Variants in GPR158 observed in about 807,000 individuals in gnomAD.
GPR158 encodes the protein G protein-coupled receptor 158, also known as metabotropic glycine receptor.
GPR158 carries 30 observed loss-of-function variants against 78.2 expected under a neutral mutation model. The observed-to-expected ratio is 0.38, with a 90% CI of 0.29 to 0.52. GPR158 has a LOEUF of 0.52. GPR158 is among the 20% of genes least tolerant of loss of function. The pLI, the probability that GPR158 is intolerant of heterozygous loss-of-function variation, is 0.83. For synonymous variants in GPR158, 581 were observed against 591.1 expected (o/e 0.98, Z 0.25); for missense variants, 1,463 against 1,523.5 (o/e 0.96, Z 0.66).
At chr10:25,235,863 A>T (rs1053716595) in intron 2 of GPR158, among the ~76,000 whole-genome samples, 16 of 151,510 alleles carry the variant, frequency 1.1e-4, no homozygotes, top group Non-Finnish European at 2.1e-4. Flanking sequence ...TGCCCGGCTA[A>T]TTTTTTGTAT....
chr10:25,399,102 A>T (rs1220344793), intron 3 of GPR158, among the ~76,000 whole-genome samples: 2 of 152,178 alleles, frequency 1.3e-5, no homozygotes, highest in African/African-American at 4.8e-5. Context: ...GGAAACTTAC[A>T]ACTGTGGTGG....
chr10:25,319,830 CA>C (rs140178276), intron 2 of GPR158, among the ~76,000 whole-genome samples: 18,815 of 146,054 alleles, frequency 0.13, 2,135 homozygotes, highest in African/African-American at 0.31. Context: ...CCACCCCCCC[CA>C]AAAAAAAACC....
chr10:25,199,435 T>G (rs1175511747), intron 1 of GPR158, among the ~76,000 whole-genome samples: 1 of 152,172 alleles, frequency 6.6e-6, no homozygotes. Flanking sequence ...CCTGCATTAG[T>G]TAATGGCCTC....
chr10:25,491,638 T>A (rs936480233), intron 5 of GPR158, among the ~76,000 whole-genome samples: 4 of 152,190 alleles, frequency 2.6e-5, no homozygotes, highest in Non-Finnish European at 5.9e-5. Flanking sequence ...TCTTGATGGG[T>A]TTTGTATTAT....
intron 6 of GPR158, among the ~76,000 whole-genome samples, chr10:25,567,166 C>A (rs1237585341): frequency 6.6e-6 from 1 of 152,058 alleles, no homozygotes; most frequent in African/African-American, 2.4e-5. Flanking sequence ...AGAGATACTG[C>A]AAAATCACAT....
intron 5 of GPR158, among the ~76,000 whole-genome samples, chr10:25,485,396 A>T (rs1264605161): frequency 2.0e-5 from 3 of 152,132 alleles, no homozygotes; most frequent in Admixed American, 1.3e-4. Flanking sequence ...AAATAGAATC[A>T]TATAAATAAA....
chr10:25,316,612 T>C (rs1400063780), intron 2 of GPR158, among the ~76,000 whole-genome samples: 1 of 152,204 alleles, frequency 6.6e-6, no homozygotes, highest in Middle Eastern at 3.2e-3. Flanking sequence ...TCACAACTAT[T>C]GACAATTTAA....
chr10:25,540,614 A>C (rs946104606), intron 5 of GPR158, among the ~76,000 whole-genome samples: 1 of 151,642 alleles, frequency 6.6e-6, no homozygotes, highest in Non-Finnish European at 1.5e-5. Context: ...ATGCAGCCAT[A>C]AAAAAGGATG....
At chr10:25,228,210 G>C (rs2130691570) in intron 2 of GPR158, among the ~76,000 whole-genome samples, 1 of 152,232 alleles carries the variant, frequency 6.6e-6, no homozygotes, top group South Asian at 2.1e-4. Flanking sequence ...AGAAGTTCGA[G>C]GCTGCAGTGA....
intron 6 of GPR158, among the ~76,000 whole-genome samples, chr10:25,551,529 T>A (rs945417746): frequency 6.6e-6 from 1 of 152,194 alleles, no homozygotes; most frequent in Admixed American, 6.6e-5. Flanking sequence ...ATTCGATGGG[T>A]AAAGTTCAGA....
In GPR158 at chr10:25,365,825, C is replaced by T. The variant is rs541903618; in HGVS notation, c.1009-30086C>T. Among the ~76,000 whole-genome samples, 97 of 151,658 alleles carry T rather than the reference C, an allele frequency of 6.4e-4. 1 individual carries two copies. The highest frequency in any genetic ancestry group is 3.3e-3 in the Admixed American group (50 of 15,174). On this transcript the variant is annotated intron_variant, in intron 2 of 10. Transcript: ENST00000376351. ...GAATTGTCACAAAGAGAACGTACTTCGAGAGAAAACATTCCAAAACTCCAG... is the reference window on the plus strand; with the variant it reads ...GAATTGTCACAAAGAGAACGTACTTTGAGAGAAAACATTCCAAAACTCCAG...
At chr10:25,437,467 C>T (rs530089147) in intron 4 of GPR158, among the ~76,000 whole-genome samples, 1 of 152,310 alleles carries the variant, frequency 6.6e-6, no homozygotes, top group Admixed American at 6.5e-5. Context: ...CTCAAGCATT[C>T]TACCCTCCTA....
At chr10:25,485,867 C>A (rs1182621132) in intron 5 of GPR158, among the ~76,000 whole-genome samples, 2 of 152,046 alleles carry the variant, frequency 1.3e-5, no homozygotes. Context: ...GAAAACCTAA[C>A]CCCCAAGATC....
intron 2 of GPR158, among the ~76,000 whole-genome samples, chr10:25,262,054 C>G (rs2130734324): frequency 6.6e-6 from 1 of 152,192 alleles, no homozygotes; most frequent in Admixed American, 6.5e-5. Flanking sequence ...GTTACATGTT[C>G]TGAAGCCTAG....
At chr10:25,445,342 A>C (rs1835126622) in intron 4 of GPR158, among the ~76,000 whole-genome samples, 1 of 152,206 alleles carries the variant, frequency 6.6e-6, no homozygotes, top group Non-Finnish European at 1.5e-5. Context: ...CAGTATATTC[A>C]AAGAAAGTCA....
At chr10:25,381,318 G>T (rs914326861) in intron 2 of GPR158, among the ~76,000 whole-genome samples, 1 of 120,818 alleles carries the variant, frequency 8.3e-6, no homozygotes, top group Admixed American at 8.2e-5. Context: ...GAGCCAAATT[G>T]CTCTGGTTTG....
rs541762734 is a variant in GPR158, at chr10:25,599,619, G to C, written c.*345G>C. ...AGGTAAACCAGGAGACACAGAAGAC[G>C]TACCAGATTTGCAAAGAAAGAAAAG... On this transcript the variant is annotated 3_prime_UTR_variant, in exon 11 of 11. Coordinates refer to ENST00000376351, the MANE Select transcript of GPR158 (RefSeq NM_020752.3). The C allele has an allele frequency of 9.8e-6, 2 of 203,876 alleles. No individual in the cohort carries two copies. Among genetic ancestry groups the C allele is most frequent in the Non-Finnish European group, 2.0e-5 (2 of 101,172 alleles). 12.6% of individuals were successfully genotyped at this position (203,876 alleles called of 1,614,324 possible).
At position 25,347,589 on chromosome 10, in the gene GPR158, A is replaced by G. The variant is rs561556367; in HGVS notation, c.1009-48322A>G. 3.3e-5 allele frequency among the ~76,000 whole-genome samples: 5 copies of G among 152,142 alleles called. No homozygotes were observed. In the East Asian group the frequency reaches 7.8e-4, roughly 24 times the overall value. On this transcript the variant is annotated intron_variant, in intron 2 of 10. Transcript: ENST00000376351. ...CTATTTGACATATGTTAGGAGCTCA[A>G]AAATACTTGGTGTGTATTTTTTAAA...
intron 8 of GPR158, among the ~76,000 whole-genome samples, chr10:25,590,941 A>G (rs1203260373): frequency 1.3e-5 from 2 of 152,162 alleles, no homozygotes; most frequent in East Asian, 3.8e-4. Flanking sequence ...ATTTCTCAAT[A>G]TATGTCAAAC....
Sources: allele counts gnomAD v4.1 joint callset (sites outside exome capture counted in the v4.1 genomes callset), GRCh38; gene constraint gnomAD v4.1.1; transcripts MANE v1.5; gene names NCBI Gene and HGNC (gene_info 2026-07-23, HGNC 2026-07-21).